NBPF9: variants seen among roughly 807,000 people sequenced by gnomAD.
NBPF9 encodes NBPF member 9.
A neutral mutation model predicts 97.8 loss-of-function variants in NBPF9; 91 were observed. The observed-to-expected ratio is 0.93, with a 90% CI of 0.79 to 1.11. The LOEUF is 1.11. NBPF9 is among the 50% of genes least tolerant of loss of function. The probability of loss-of-function intolerance (pLI) is 0.00; values close to 1 mark genes in which losing one functional copy is unlikely to be tolerated. For synonymous variants in NBPF9, 334 were observed against 359.5 expected (o/e 0.93, Z 0.80); for missense variants, 992 against 939.5 (o/e 1.06, Z -0.73).
intron 23 of NBPF9, 138 bp from the exon 24 acceptor site, chr1:149,060,833 G>T (rs2078541979): frequency 4.9e-6 from 2 of 408,556 alleles, no homozygotes; most frequent in South Asian, 6.0e-5. Context: ...ACAAATTATT[G>T]CCTTCATGTT....
At chr1:149,072,840 T>C (rs781948225) in exon 14 of NBPF9, 5 of 1,603,174 alleles carry the variant, frequency 3.1e-6, no homozygotes, top group Non-Finnish European at 4.3e-6. Flanking sequence ...GAGATGCTCA[T>C]TCAATGAGCG....
intron 16 of NBPF9, among the ~76,000 whole-genome samples, 154 bp downstream of exon 16, chr1:149,070,780 C>T (rs1213218869): frequency 1.3e-5 from 2 of 152,116 alleles, no homozygotes; most frequent in Non-Finnish European, 2.9e-5. Flanking sequence ...AAAGGCATGA[C>T]ATTAGCTGAG....
chr1:149,063,024 G>A (rs1358219351), intron 20 of NBPF9, 111 bp from the exon 21 acceptor site: 3 of 577,580 alleles, frequency 5.2e-6, no homozygotes, highest in Non-Finnish European at 6.1e-6. Flanking sequence ...CATGAGAATA[G>A]GACACTGTGA....
intron 18 of NBPF9, chr1:149,064,871 G>C (rs1350120389): frequency 1.9e-6 from 1 of 529,190 alleles, no homozygotes; most frequent in East Asian, 3.9e-5. Context: ...TGGACACAGA[G>C]ATTTGATGAG....
At chr1:149,082,952 C>CTTTT (rs1175496893) in intron 5 of NBPF9, among the ~76,000 whole-genome samples, 4 of 60,970 alleles carry the variant, frequency 6.6e-5, no homozygotes, top group Admixed American at 1.9e-4. Flanking sequence ...GCTAATTTTT[C>CTTTT]TTTTCTTTTT....
intron 21 of NBPF9, 22 bp downstream of exon 21, chr1:149,062,838 GCA>G: frequency 1.5e-6 from 1 of 667,336 alleles, no homozygotes; most frequent in Middle Eastern, 4.0e-4. Context: ...ACAGAATTAA[GCA>G]TCCATAATTG....
At chr1:149,068,087 G>C (rs2079145833) in intron 17 of NBPF9, among the ~76,000 whole-genome samples, 1 of 147,318 alleles carries the variant, frequency 6.8e-6, no homozygotes, top group African/African-American at 2.6e-5. Context: ...GACAGATTTT[G>C]TCACCACCAG....
intron 12 of NBPF9, 60 bp downstream of exon 12, chr1:149,075,595 C>T (rs1559529771): frequency 9.4e-6 from 14 of 1,483,004 alleles, no homozygotes; most frequent in Non-Finnish European, 1.3e-5. Context: ...CACTTAGTTC[C>T]TCAGAGAGAA....
intron 4 of NBPF9, among the ~76,000 whole-genome samples, chr1:149,094,841 AG>A (rs1350679779): frequency 1.4e-5 from 2 of 144,198 alleles, no homozygotes; most frequent in Non-Finnish European, 3.0e-5. Context: ...CACAGCTCAC[AG>A]GGAAGAGAAG....
chr1:149,075,677 C>T, exon 12 of NBPF9: 1 of 1,610,418 alleles, frequency 6.2e-7, no homozygotes, highest in Non-Finnish European at 8.5e-7. Context: ...GCTGGTTGGC[C>T]AGGAAGCCGG....
At position 149,070,930 on chromosome 1, in the gene NBPF9, C is replaced by T. The variant is rs1553652771; in HGVS notation, c.1585+4G>A. Reference sequence around the variant, plus strand: ...GTATGAGACACAAGGAAAACAGAGGCTACCTGGAATAATGTGTACAGCATC... The same window carrying T: ...GTATGAGACACAAGGAAAACAGAGGTTACCTGGAATAATGTGTACAGCATC... On this transcript the variant is annotated splice_donor_region_variant and intron_variant, in intron 16 of 29. Transcript: ENST00000584027. 2 of 1,612,186 alleles carry T rather than the reference C, an allele frequency of 1.2e-6. No individual in the cohort carries two copies. The highest frequency in any genetic ancestry group is 1.7e-5 in the Admixed American group (1 of 59,988).
Position 149,060,069 on chromosome 1 carries a change from T to C in NBPF9, c.2477-261A>G, listed in dbSNP as rs1460218733. 2.6e-3 allele frequency: 827 copies of C among 314,856 alleles called. 241 individuals carry two copies. The highest frequency in any genetic ancestry group is 0.021 in the African/African-American group (704 of 33,486). The allele number at this position is 314,856 out of a possible 1,614,324, so 19.5% of individuals were successfully genotyped here. A position where few individuals can be genotyped will look rare whatever the true frequency, so the allele number is the denominator to read the frequency against. On this transcript the variant is annotated intron_variant, in intron 24 of 29. Transcript: ENST00000584027. ...GGTCCCAAATTTGTGCAAACAGTTA[T>C]GCCATATTTTTCCAATCAATTTAAA...
chr1:149,101,553 T>C (rs1302747237), intron 2 of NBPF9, among the ~76,000 whole-genome samples, 174 bp from the exon 3 acceptor site: 1 of 152,082 alleles, frequency 6.6e-6, no homozygotes, highest in Non-Finnish European at 1.5e-5. Context: ...AACAAGCATA[T>C]CAATGAAAAC....
At chr1:149,070,536 C>T (rs2079320595) in intron 16 of NBPF9, among the ~76,000 whole-genome samples, 1 of 150,426 alleles carries the variant, frequency 6.6e-6, no homozygotes, top group African/African-American at 2.4e-5. Context: ...AGCAGTGAAG[C>T]CTGGGGAACG....
At chr1:149,085,211 A>C (rs1553658098) in intron 5 of NBPF9, among the ~76,000 whole-genome samples, 1 of 151,990 alleles carries the variant, frequency 6.6e-6, no homozygotes. Flanking sequence ...TGGCTGGAAA[A>C]CTTTTTTTTG....
rs1352476123 is a variant in NBPF9 at position 149,059,376 on chromosome 1, G to A, written c.2586-279C>T. 1.1e-5 allele frequency: 5 copies of A among 440,034 alleles called. 1 individual carries two copies. The highest frequency in any genetic ancestry group is 1.7e-5 in the Non-Finnish European group (4 of 238,564). 27.3% of individuals were successfully genotyped at this position (440,034 alleles called of 1,614,324 possible). ...ATGAAGGAGTAAAAGGACACTCTGA[G>A]TTCGTGCCCTCATGACACACAGCAA... On this transcript the variant is annotated intron_variant, in intron 25 of 29. Transcript: ENST00000584027.
intron 1 of NBPF9, among the ~76,000 whole-genome samples, chr1:149,103,066 G>A (rs28373568): frequency 0.06 from 9,078 of 151,828 alleles, 770 homozygotes; most frequent in East Asian, 0.48. Context: ...ACACCCGCCA[G>A]CGAGTTTCTT....
At chr1:149,098,588 G>A in exon 4 of NBPF9, 7 of 1,410,794 alleles carry the variant, frequency 5.0e-6, no homozygotes, top group Non-Finnish European at 6.5e-6. Context: ...TGGAGGCCAA[G>A]AACACACAGC....
intron 4 of NBPF9, among the ~76,000 whole-genome samples, chr1:149,096,039 A>T (rs2081742468): frequency 6.6e-6 from 1 of 152,024 alleles, no homozygotes; most frequent in Non-Finnish European, 1.5e-5. Context: ...TTTACAAAAC[A>T]AGCTGTCAAG....
Sources: gnomAD v4.1 joint callset for allele counts (sites outside exome capture counted in the v4.1 genomes callset) on GRCh38, gnomAD v4.1.1 for gene constraint, MANE v1.5 for transcripts, NCBI Gene and HGNC (gene_info 2026-07-23, HGNC 2026-07-21) for gene names.